The following SYTL4 variants were observed in gnomAD, a reference collection of about 807,000 sequenced individuals.
SYTL4 encodes synaptotagmin-like protein 4.
Under a neutral mutation model 52.7 loss-of-function variants are expected in SYTL4, and 16 were observed. The ratio of observed to expected loss-of-function variants is 0.30; its 90% CI spans 0.21 to 0.46. SYTL4 has a LOEUF of 0.46. Among genes scored for constraint, SYTL4 ranks in the 20% least tolerant of loss-of-function variants. SYTL4 has a pLI of 1.00. For missense variants in SYTL4, 423 were observed against 519.9 expected (o/e 0.81, Z 1.81); for synonymous variants, 160 against 186.6 (o/e 0.86, Z 1.16).
In SYTL4 at chrX:100,685,983, A is replaced by G. The variant is rs897926119; in HGVS notation, c.1449+7T>C. ...TCCAAACTGCAGGAGTTGTTAAAGC[A>G]GACTACCTTTCCATGTAAAGGGAGG... is the stretch of plus-strand genomic sequence containing the variant. On this transcript the variant is annotated splice_region_variant and intron_variant, in intron 16 of 19. Transcript: ENST00000372989. 8.4e-7 allele frequency: 1 copy of G among 1,193,586 alleles called. No individual in the cohort carries two copies. The highest frequency in any genetic ancestry group is 1.1e-6 in the Non-Finnish European group (1 of 886,014).
chrX:100,686,940 G>A, intron 14 of SYTL4, 127 bp downstream of exon 14: 1 of 903,427 alleles, frequency 1.1e-6, no homozygotes, highest in Non-Finnish European at 1.5e-6. Context: ...CCCAATCCTG[G>A]TTCTTTTCCT....
At chrX:100,694,371 A>G (rs2083661928) in intron 8 of SYTL4, among the ~76,000 whole-genome samples, 1 of 110,981 alleles carries the variant, frequency 9.0e-6, no homozygotes, top group Non-Finnish European at 1.9e-5. Context: ...CAGATTACTC[A>G]AAAGTGCCAA....
intron 16 of SYTL4, among the ~76,000 whole-genome samples, chrX:100,682,619 A>G (rs753403634): frequency 9.1e-6 from 1 of 110,386 alleles, no homozygotes; most frequent in African/African-American, 3.3e-5. Flanking sequence ...AGGCATGAGA[A>G]TCACTTGAAC....
At chrX:100,705,720 T>A (rs2083943383) in intron 2 of SYTL4, among the ~76,000 whole-genome samples, 1 of 111,451 alleles carries the variant, frequency 9.0e-6, no homozygotes, top group Non-Finnish European at 1.9e-5. Context: ...CCAAGTAATA[T>A]CAAAATCCAG....
rs2083254343 is a variant in SYTL4 at position 100,674,998 on chromosome X, C to G, written c.*1030G>C. On this transcript the variant is annotated 3_prime_UTR_variant, in exon 20 of 20. Coordinates refer to ENST00000372989, the MANE Select transcript of SYTL4 (RefSeq NM_001370165.1). ...ATTCCCTTAGAGCCCTTAACAGTCC[C>G]CAGCCTGGAGAAACACTGGGCCAAT... 8.9e-6 allele frequency: 1 copy of G among 112,057 alleles called. No homozygotes were observed. The highest frequency in any genetic ancestry group is 3.2e-5 in the African/African-American group (1 of 30,793). The allele number at this position is 112,057 out of a possible 1,213,427, so 9.2% of individuals were successfully genotyped here.
intron 13 of SYTL4, 179 bp downstream of exon 13, chrX:100,688,172 C>T (rs1286286339): frequency 1.5e-5 from 6 of 393,677 alleles, no homozygotes; most frequent in Non-Finnish European, 2.6e-5. Context: ...CAGGAAGTCA[C>T]CTAGATGTAC....
At chrX:100,724,078 G>T (rs1428372152) in intron 2 of SYTL4, among the ~76,000 whole-genome samples, 1 of 94,442 alleles carries the variant, frequency 1.1e-5, no homozygotes, top group African/African-American at 4.1e-5. Context: ...GCCTCTGCCC[G>T]GCCGCCCCTG....
At chrX:100,698,141 T>G (rs4279736) in intron 8 of SYTL4, among the ~76,000 whole-genome samples, 16 of 109,297 alleles carry the variant, frequency 1.5e-4, no homozygotes, top group Admixed American at 1.1e-3. Flanking sequence ...CTTGCTCTGT[T>G]GCCCAGGCTG....
intron 2 of SYTL4, among the ~76,000 whole-genome samples, chrX:100,724,869 A>T (rs1485933865): frequency 2.6e-3 from 3 of 1,138 alleles, no homozygotes; most frequent in Non-Finnish European, 0.01. Flanking sequence ...AATGATCAAT[A>T]AAAAGAAAAA....
rs757030703 is a variant in SYTL4 at position 100,691,293 on chromosome X, C to T, written c.540-84G>A. The stretch of plus-strand genomic sequence containing the variant: ...GGCCTCTTTCCAATCCATTCACAAT[C>T]GTAGCCTGAGTGATCTTTCTAAAAT... On this transcript the variant is annotated intron_variant, in intron 8 of 19. Transcript: ENST00000372989. The T allele has an allele frequency of 1.1e-5, 7 of 614,449 alleles. No individual in the cohort carries two copies. The South Asian group carries it at 1.5e-4, about 14-fold the overall frequency. 50.6% of individuals were successfully genotyped at this position (614,449 alleles called of 1,213,427 possible).
rs1377365044 is a variant in SYTL4 at position 100,687,091 on chromosome X, T to A, written c.1160A>T (p.Asp387Val). 1.7e-6 allele frequency: 2 copies of A among 1,211,448 alleles called. No homozygotes were observed. The highest frequency in any genetic ancestry group is 1.1e-6 in the Non-Finnish European group (1 of 895,418). ...CGGGTTAGAGCGCTTCTTGGCTTCA[T>A]CAGCATAGGCCAGCTGATGGCACTC... ...VKECHQLAYA[D>V]EAKKRSNPYV... Residue 387 changes from aspartate (D) to valine (V), a missense_variant, in exon 14 of 20, where the codon GAT (aspartate) becomes GTT (valine). Asp to Val is a radical substitution (Grantham distance 152). Transcript: ENST00000372989.
chrX:100,677,882 G>A (rs909382336), intron 19 of SYTL4, among the ~76,000 whole-genome samples: 1 of 111,711 alleles, frequency 9.0e-6, no homozygotes, highest in Non-Finnish European at 1.9e-5. Context: ...AGGGGAACGT[G>A]TAGTCAAGGA....
At chrX:100,682,037 A>G (rs191391222) in intron 16 of SYTL4, among the ~76,000 whole-genome samples, 329 of 112,101 alleles carry the variant, frequency 2.9e-3, no homozygotes, top group Middle Eastern at 9.2e-3. Flanking sequence ...GACTGTCTCT[A>G]TGAGACAGGT....
intron 2 of SYTL4, among the ~76,000 whole-genome samples, chrX:100,707,371 A>G (rs1273391202): frequency 9.0e-6 from 1 of 111,719 alleles, no homozygotes; most frequent in African/African-American, 3.3e-5. Context: ...CCCACATGTC[A>G]AAGAAGAGAT....
intron 2 of SYTL4, among the ~76,000 whole-genome samples, chrX:100,731,008 T>C (rs1359555744): frequency 9.0e-6 from 1 of 111,056 alleles, no homozygotes; most frequent in African/African-American, 3.3e-5. Flanking sequence ...TTGCCACAAA[T>C]ATACAAGGTC....
Position 100,697,752 on chromosome X carries a change from G to A in SYTL4, c.539+3145C>T, listed in dbSNP as rs1294252258. Among the ~76,000 whole-genome samples, 3 of 111,299 alleles carry A rather than the reference G, an allele frequency of 2.7e-5. No individual in the cohort carries two copies. The East Asian group carries it at 8.5e-4, about 31-fold the overall frequency. On this transcript the variant is annotated intron_variant, in intron 8 of 19. Transcript: ENST00000372989. ...TACTCAAATAATTAAATTAGAAGCAGCAAAAAGTAAGGAAGGGAGGGGAAA... is the reference window on the plus strand; with the variant it reads ...TACTCAAATAATTAAATTAGAAGCAACAAAAAGTAAGGAAGGGAGGGGAAA...
intron 16 of SYTL4, among the ~76,000 whole-genome samples, chrX:100,684,404 A>G (rs962018355): frequency 1.9e-4 from 21 of 112,058 alleles, no homozygotes; most frequent in African/African-American, 6.5e-4. Flanking sequence ...GAAGACCAAG[A>G]TATATTACAG....
At chrX:100,730,535 G>A (rs750400347) in intron 2 of SYTL4, among the ~76,000 whole-genome samples, 1 of 111,358 alleles carries the variant, frequency 9.0e-6, no homozygotes, top group African/African-American at 3.3e-5. Context: ...ACTGTATAGA[G>A]TTATTGTGAG....
At chrX:100,722,379 C>A (rs1240049062) in intron 2 of SYTL4, among the ~76,000 whole-genome samples, 2 of 111,692 alleles carry the variant, frequency 1.8e-5, no homozygotes, top group Non-Finnish European at 3.8e-5. Context: ...CTATTTCAAA[C>A]CTTCTTCAAA....
Sources: allele counts gnomAD v4.1 joint callset (sites outside exome capture counted in the v4.1 genomes callset), GRCh38; gene constraint gnomAD v4.1.1; transcripts MANE v1.5; gene names NCBI Gene and HGNC (gene_info 2026-07-23, HGNC 2026-07-21).